The following TP53BP2 variants were observed in gnomAD, a reference collection of about 807,000 sequenced individuals.
The protein encoded by TP53BP2 is apoptosis-stimulating of p53 protein 2.
Under a neutral mutation model 126.2 loss-of-function variants are expected in TP53BP2, and 62 were observed. That is an observed-to-expected ratio of 0.49 (90% CI 0.40 to 0.61). TP53BP2 has a LOEUF of 0.61. Ranked by LOEUF, TP53BP2 falls within the 20% of genes least tolerant of loss-of-function variation. TP53BP2 has a pLI of 0.00. For synonymous variants in TP53BP2, 485 were observed against 502.9 expected, an observed-to-expected ratio of 0.96 and a Z score of 0.48; for missense variants, 1,215 against 1,402.8, an observed-to-expected ratio of 0.87 and a Z score of 2.14.
In TP53BP2 at chr1:223,799,908, C is replaced by A; in HGVS notation, c.1476G>T (p.Arg492=). Residue 492 remains arginine, a synonymous_variant, in exon 11 of 18, where the codon CGG becomes CGT. Coordinates refer to ENST00000343537, the MANE Select transcript of TP53BP2 (RefSeq NM_001031685.3). ...RKNQSSEDIL[R]DAQVANKNVA... is the part of the protein sequence containing the mutation. Reference sequence around the variant, plus strand: ...GGATATTTGTAGGTACCTGAGCATCCCGCAAGATATCTTCACTGCTCTGGT... The same window carrying A: ...GGATATTTGTAGGTACCTGAGCATCACGCAAGATATCTTCACTGCTCTGGT... The A allele has an allele frequency of 6.3e-7, 1 of 1,589,922 alleles. No homozygotes were observed. Among genetic ancestry groups the A allele is most frequent in the Non-Finnish European group, 8.5e-7 (1 of 1,172,742 alleles).
intron 1 of TP53BP2, chr1:223,834,845 T>A (rs1663865931): frequency 5.1e-6 from 5 of 985,272 alleles, no homozygotes; most frequent in Middle Eastern, 5.2e-4. Flanking sequence ...CAGCCAGAAG[T>A]AAATGTTCTC....
Position 223,802,730 on chromosome 1 carries a change from C to T in TP53BP2, c.996+1G>A. The stretch of plus-strand genomic sequence containing the variant: ...AAACCATTACAAAACGGCCCACTTA[C>T]TGGTAGATTTTCTTTTTGCTGTAGA... On this transcript the variant is annotated splice_donor_variant, in intron 8 of 17. Coordinates refer to ENST00000343537, the MANE Select transcript of TP53BP2 (RefSeq NM_001031685.3). LOFTEE classifies it high-confidence loss of function. 6.2e-7 allele frequency: 1 copy of T among 1,614,044 alleles called. No homozygotes were observed. Among genetic ancestry groups the T allele is most frequent in the Non-Finnish European group, 8.5e-7 (1 of 1,179,962 alleles).
chr1:223,806,777 T>C, intron 5 of TP53BP2, 69 bp downstream of exon 5: 5 of 1,247,944 alleles, frequency 4.0e-6, no homozygotes, highest in Admixed American at 1.8e-5. Context: ...TGAGCCAAGA[T>C]CGTGCCACTG....
In TP53BP2 at chr1:223,784,131, G is replaced by T; in HGVS notation, c.3347C>A (p.Pro1116Gln). Residue 1116 changes from proline (P) to glutamine (Q), a missense_variant, in exon 17 of 18, where the codon CCA (proline) becomes CAA (glutamine). Around this residue, in one of 4 missense-constraint regions of TP53BP2, gnomAD observed 151 missense variants for 231.2 expected, o/e 0.65. Coordinates refer to ENST00000343537, the MANE Select transcript of TP53BP2 (RefSeq NM_001031685.3). The part of the protein sequence containing the change: ...ARLNDKEGYV[P>Q]RNLLGLYPRI... ...ATAACTTACTCCCAGCAAGTTACGT[G>T]GAACATATCCCTCCTTATCATTAAG... The T allele has an allele frequency of 6.2e-7, 1 of 1,614,074 alleles. No individual in the cohort carries two copies. Among genetic ancestry groups the T allele is most frequent in the Non-Finnish European group, 8.5e-7 (1 of 1,179,980 alleles).
chr1:223,833,016 T>TC (rs1394036602), intron 1 of TP53BP2, among the ~76,000 whole-genome samples: 1 of 152,146 alleles, frequency 6.6e-6, no homozygotes, highest in Admixed American at 6.6e-5. Flanking sequence ...ACTCTCTACC[T>TC]CCCTGACGAT....
rs147575690 is a variant in TP53BP2 at position 223,826,559 on chromosome 1, A to G, written c.28-5192T>C. Among the ~76,000 whole-genome samples the G allele has an allele frequency of 1.7e-3, 253 of 152,340 alleles. 2 individuals are homozygous for G. The highest frequency in any genetic ancestry group is 5.0e-3 in the African/African-American group (208 of 41,572). On this transcript the variant is annotated intron_variant, in intron 1 of 17. Coordinates refer to ENST00000343537, the MANE Select transcript of TP53BP2 (RefSeq NM_001031685.3). ...GAAGGGGAAATGGGAAGTGACTGCT[A>G]ATAGGTACAGGGCTACTTTTTGGGG...
chr1:223,821,077 G>A (rs1663287205), intron 2 of TP53BP2, 143 bp downstream of exon 2: 1 of 1,023,324 alleles, frequency 9.8e-7, no homozygotes, highest in Non-Finnish European at 1.4e-6. Flanking sequence ...ACCAAAGCTG[G>A]ATCAGGAACA....
intron 16 of TP53BP2, among the ~76,000 whole-genome samples, chr1:223,786,763 C>T (rs185760440): frequency 4.6e-5 from 7 of 151,824 alleles, no homozygotes; most frequent in East Asian, 1.9e-4. Flanking sequence ...CCCACCACCA[C>T]GCCTGTCTAA....
At chr1:223,787,233 A>AT (rs1455584940) in intron 16 of TP53BP2, among the ~76,000 whole-genome samples, 1 of 152,100 alleles carries the variant, frequency 6.6e-6, no homozygotes, top group Non-Finnish European at 1.5e-5. Context: ...ATTAACGCCC[A>AT]TAACTTCAGC....
At chr1:223,800,611 A>G in intron 10 of TP53BP2, 89 bp downstream of exon 10, 1 of 969,746 alleles carries the variant, frequency 1.0e-6, no homozygotes, top group Non-Finnish European at 1.5e-6. Context: ...AGGAAGAAAG[A>G]AAAGAGAAAA....
Position 223,800,020 on chromosome 1 carries a change from T to G in TP53BP2, c.1364A>C (p.Glu455Ala). The change falls in exon 11 of 18, where the codon GAG becomes GCG. Residue 455 changes from glutamate to alanine, a missense_variant. This residue lies in a region of TP53BP2 where 814 missense variants were observed against 853.0 expected (regional missense o/e 0.95). Coordinates refer to ENST00000343537, the MANE Select transcript of TP53BP2 (RefSeq NM_001031685.3). ...QVDDGEVPLR[E>A]KEKKVRPFSM... The stretch of plus-strand genomic sequence containing the variant: ...GAACGGACGCACTTTCTTCTCTTTC[T>G]CCCTCAGCGGAACCTCTCCATCATC... 1 of 1,611,572 alleles carries G rather than the reference T, an allele frequency of 6.2e-7. No individual in the cohort carries two copies. Among genetic ancestry groups the G allele is most frequent in the African/African-American group, 1.3e-5 (1 of 74,898 alleles).
At chr1:223,786,809 T>C (rs958454976) in intron 16 of TP53BP2, among the ~76,000 whole-genome samples, 7 of 151,852 alleles carry the variant, frequency 4.6e-5, no homozygotes, top group African/African-American at 9.7e-5. Context: ...AGTTTCACCA[T>C]GTTAGCCAGA....
In TP53BP2 at chr1:223,808,669, C is replaced by A. The variant is rs1254773592; in HGVS notation, c.373-1722G>T. 2.0e-5 allele frequency among the ~76,000 whole-genome samples: 3 copies of A among 148,850 alleles called. No homozygotes were observed. In the East Asian group the frequency reaches 5.9e-4, roughly 29 times the overall value. ...AAAAGAAAACAAAGGAAAAAAAAAT[C>A]TCTATGACCCTGGGTTGGGCAAAGA... On this transcript the variant is annotated intron_variant, in intron 4 of 17. Transcript: ENST00000343537.
At chr1:223,817,405 A>G (rs1461361238) in intron 2 of TP53BP2, among the ~76,000 whole-genome samples, 2 of 151,034 alleles carry the variant, frequency 1.3e-5, no homozygotes, top group African/African-American at 4.9e-5. Flanking sequence ...GAAAGAAAGA[A>G]GAAGAAAAAC....
chr1:223,824,018 A>T (rs890215784), intron 1 of TP53BP2, among the ~76,000 whole-genome samples: 3 of 152,228 alleles, frequency 2.0e-5, no homozygotes, highest in African/African-American at 7.2e-5. Flanking sequence ...ATTATCTCAG[A>T]AACTTACATC....
intron 13 of TP53BP2, 132 bp downstream of exon 13, chr1:223,795,683 T>C: frequency 1.3e-6 from 1 of 770,536 alleles, no homozygotes; most frequent in Middle Eastern, 2.7e-4. Context: ...ATGAAAACAT[T>C]TATAAGATCC....
chr1:223,791,829 T>C (rs1364913739), intron 15 of TP53BP2, among the ~76,000 whole-genome samples: 3 of 152,200 alleles, frequency 2.0e-5, no homozygotes, highest in Non-Finnish European at 4.4e-5. Context: ...GTTTTGGGGA[T>C]GACAGGACCT....
chr1:223,807,773 C>T (rs1365474422), intron 4 of TP53BP2, among the ~76,000 whole-genome samples: 1 of 151,956 alleles, frequency 6.6e-6, no homozygotes, highest in African/African-American at 2.4e-5. Flanking sequence ...ATACTAAAAT[C>T]TCAAAAACTG....
In TP53BP2 at chr1:223,798,562, C is replaced by A. The variant is rs779073849; in HGVS notation, c.1601G>T (p.Gly534Val). Reference sequence around the variant, plus strand: ...AACTGTTGACAACTGCTGAGAACTTCCGTCTGGCTTAATGTCTGAAGGTGG... The same window carrying A: ...AACTGTTGACAACTGCTGAGAACTTACGTCTGGCTTAATGTCTGAAGGTGG... ...NQPPSDIKPD[G>V]SSQQLSTVVP... is the part of the protein sequence containing the mutation. The change falls in exon 12 of 18, where the codon GGA (glycine) becomes GTA (valine). Residue 534 changes from glycine (G) to valine (V), a missense_variant. Gly to Val is a moderately radical substitution (Grantham distance 109, BLOSUM62 -3). Coordinates refer to ENST00000343537, the MANE Select transcript of TP53BP2 (RefSeq NM_001031685.3). The A allele has an allele frequency of 6.2e-7, 1 of 1,614,128 alleles. No individual in the cohort carries two copies. Among genetic ancestry groups the A allele is most frequent in the South Asian group, 1.1e-5 (1 of 91,082 alleles).
Sources: gnomAD v4.1 joint callset for allele counts (sites outside exome capture counted in the v4.1 genomes callset) on GRCh38, gnomAD v4.1.1 for gene constraint, gnomAD v4.1.1 regional missense constraint, MANE v1.5 for transcripts, NCBI Gene and HGNC (gene_info 2026-07-23, HGNC 2026-07-21) for gene names.